Variants in THEMIS observed in about 807,000 individuals in gnomAD.
THEMIS encodes protein THEMIS.
In THEMIS, 37 loss-of-function variants were observed where a neutral mutation model predicts 52.6. The observed-to-expected ratio is 0.70, with a 90% CI of 0.54 to 0.93. THEMIS has a LOEUF of 0.93. Among genes scored for constraint, THEMIS ranks in the 40% least tolerant of loss-of-function variants. The pLI, the probability that THEMIS is intolerant of heterozygous loss-of-function variation, is 0.00. For missense variants in THEMIS, 808 were observed against 763.1 expected (o/e 1.06, Z -0.69); for synonymous variants, 292 against 272.7 (o/e 1.07, Z -0.70).
At chr6:127,853,539 G>C (rs942916566) in intron 2 of THEMIS, among the ~76,000 whole-genome samples, 1 of 151,508 alleles carries the variant, frequency 6.6e-6, no homozygotes, top group Non-Finnish European at 1.5e-5. Flanking sequence ...AATGTGGAAA[G>C]TTTCATTTGA....
At chr6:127,782,109 C>A (rs970887717) in intron 4 of THEMIS, among the ~76,000 whole-genome samples, 24 of 152,164 alleles carry the variant, frequency 1.6e-4, no homozygotes, top group Non-Finnish European at 3.1e-4. Context: ...TAGGGGAAAA[C>A]CGCCTACTCA....
chr6:127,728,847 G>T (rs1159918805), intron 4 of THEMIS, among the ~76,000 whole-genome samples: 1 of 152,076 alleles, frequency 6.6e-6, no homozygotes. Context: ...AGGGCAAGAA[G>T]GTTGCAATTT....
chr6:127,768,282 C>A (rs1289924776), intron 4 of THEMIS, among the ~76,000 whole-genome samples: 1 of 152,178 alleles, frequency 6.6e-6, no homozygotes, highest in African/African-American at 2.4e-5. Flanking sequence ...AGGGATTCAG[C>A]TTCCCTCCCT....
At chr6:127,878,906 TA>T (rs1780394919) in intron 1 of THEMIS, among the ~76,000 whole-genome samples, 1 of 152,212 alleles carries the variant, frequency 6.6e-6, no homozygotes, top group Non-Finnish European at 1.5e-5. Flanking sequence ...GAATGGCATC[TA>T]TCAGTAGTTA....
At chr6:127,879,073 T>G (rs1233269091) in intron 1 of THEMIS, among the ~76,000 whole-genome samples, 1 of 152,162 alleles carries the variant, frequency 6.6e-6, no homozygotes, top group East Asian at 1.9e-4. Context: ...AAGAAGTAAT[T>G]TGCTAGATGT....
intron 4 of THEMIS, among the ~76,000 whole-genome samples, chr6:127,765,945 T>C (rs538287176): frequency 1.3e-5 from 2 of 152,094 alleles, no homozygotes; most frequent in African/African-American, 2.4e-5. Context: ...AATACAACAT[T>C]CCTTGGAAAA....
At chr6:127,784,760 T>C (rs1247417936) in intron 4 of THEMIS, among the ~76,000 whole-genome samples, 1 of 152,126 alleles carries the variant, frequency 6.6e-6, no homozygotes, top group Non-Finnish European at 1.5e-5. Flanking sequence ...AGCTCTTTAA[T>C]CCAGCACTTC....
Position 127,725,054 on chromosome 6 carries a change from T to A in THEMIS, c.1759-5231A>T, listed in dbSNP as rs538001420. 8.5e-5 allele frequency among the ~76,000 whole-genome samples: 13 copies of A among 152,206 alleles called. No individual in the cohort carries two copies. The East Asian group carries it at 2.5e-3, about 30-fold the overall frequency. ...TTAGCCAGGGACTAAACATCACTCA[T>A]ATTTAAAGCAACTTGAAGTATCCTA... On this transcript the variant is annotated intron_variant, in intron 4 of 5. Coordinates refer to ENST00000368248, the MANE Select transcript of THEMIS (RefSeq NM_001010923.3).
At chr6:127,875,003 C>A (rs1780271567) in intron 1 of THEMIS, among the ~76,000 whole-genome samples, 1 of 152,174 alleles carries the variant, frequency 6.6e-6, no homozygotes, top group Admixed American at 6.5e-5. Flanking sequence ...GGAGCAGAAA[C>A]CCTATTGTGA....
intron 4 of THEMIS, among the ~76,000 whole-genome samples, chr6:127,729,194 CTCTCTCTCTT>C (rs1466973661): frequency 3.6e-5 from 3 of 82,216 alleles, no homozygotes; most frequent in African/African-American, 1.2e-4. Flanking sequence ...CTCTCTCTCT[CTCTCTCTCTT>C]CACTCATCCC....
chr6:127,827,984 A>G (rs1778565526), intron 3 of THEMIS, among the ~76,000 whole-genome samples: 2 of 151,826 alleles, frequency 1.3e-5, no homozygotes, highest in African/African-American at 4.8e-5. Context: ...CACCAACTAC[A>G]CTAGAGCTCC....
At chr6:127,841,177 G>A (rs369937175) in intron 2 of THEMIS, among the ~76,000 whole-genome samples, 68 of 152,112 alleles carry the variant, frequency 4.5e-4, no homozygotes, top group African/African-American at 1.3e-3. Flanking sequence ...TTGATGGTGG[G>A]GGAGGCTGCC....
chr6:127,871,326 C>A (rs77150406), intron 1 of THEMIS, among the ~76,000 whole-genome samples: 1,917 of 152,026 alleles, frequency 0.013, 165 homozygotes, highest in Admixed American at 0.11. Context: ...TATATACACA[C>A]ACTGAACTTA....
chr6:127,779,646 C>T (rs577290271), intron 4 of THEMIS, among the ~76,000 whole-genome samples: 27 of 152,154 alleles, frequency 1.8e-4, no homozygotes, highest in East Asian at 3.9e-4. Flanking sequence ...TGCTATAATA[C>T]GGGTATGAAT....
intron 2 of THEMIS, among the ~76,000 whole-genome samples, chr6:127,838,490 T>A (rs945198113): frequency 5.9e-5 from 9 of 152,078 alleles, no homozygotes; most frequent in Non-Finnish European, 2.9e-5. Flanking sequence ...TATCTTCCTT[T>A]GCTATTAAAC....
chr6:127,793,854 C>T (rs923546989), intron 4 of THEMIS, among the ~76,000 whole-genome samples: 1 of 152,178 alleles, frequency 6.6e-6, no homozygotes, highest in African/African-American at 2.4e-5. Flanking sequence ...TTATCCCAGA[C>T]CACAGAGCAA....
chr6:127,730,277 T>TAAAGAAAAGAAAAGAAAAGAAGA (rs1774722482), intron 4 of THEMIS, among the ~76,000 whole-genome samples: 1 of 54,672 alleles, frequency 1.8e-5, no homozygotes, highest in Non-Finnish European at 5.2e-5. Context: ...CTATAGGAAA[T>TAAAGAAAAGAAAAGAAAAGAAGA]AAAGAAAAGA....
At chr6:127,751,348 C>A (rs1775637847) in intron 4 of THEMIS, among the ~76,000 whole-genome samples, 1 of 151,364 alleles carries the variant, frequency 6.6e-6, no homozygotes, top group Non-Finnish European at 1.5e-5. Flanking sequence ...AAAGAAAAAC[C>A]TTTAGCAGAT....
chr6:127,704,062 A>T (rs1417881724), downstream of THEMIS, among the ~76,000 whole-genome samples: 1 of 152,180 alleles, frequency 6.6e-6, no homozygotes, highest in Non-Finnish European at 1.5e-5. Flanking sequence ...TAGAGCCATC[A>T]TGACTTAATT....
Sources: gnomAD v4.1 joint callset for allele counts (sites outside exome capture counted in the v4.1 genomes callset) on GRCh38, gnomAD v4.1.1 for gene constraint, MANE v1.5 for transcripts, NCBI Gene and HGNC (gene_info 2026-07-23, HGNC 2026-07-21) for gene names.